Variants in IGSF10 observed in about 807,000 individuals in gnomAD.
IGSF10 encodes calvaria mechanical force protein 608.
Under a neutral mutation model 128.2 loss-of-function variants are expected in IGSF10, and 126 were observed. The ratio of observed to expected loss-of-function variants is 0.98; its 90% CI spans 0.85 to 1.14. The LOEUF is 1.14. Ranked by LOEUF, IGSF10 falls within the 50% of genes most tolerant of loss-of-function variation. The pLI is 0.00. For missense variants in IGSF10, 3,295 were observed against 3,149.8 expected (o/e 1.05, Z -1.10); for synonymous variants, 1,185 against 1,146.2 (o/e 1.03, Z -0.68).
At chr3:151,454,140 C>T (rs970044883) in intron 4 of IGSF10, among the ~76,000 whole-genome samples, 10 of 151,504 alleles carry the variant, frequency 6.6e-5, no homozygotes, top group African/African-American at 2.2e-4. Flanking sequence ...GCCTCAGCCT[C>T]CTGAGTAGCT....
At position 151,437,505 on chromosome 3, in the gene IGSF10, T is replaced by G. The variant is rs767175200; in HGVS notation, c.7056A>C (p.Gly2352=). The change falls in exon 8 of 8, where the codon GGA becomes GGC. Residue 2352 remains glycine, a synonymous_variant. Coordinates refer to ENST00000282466, the MANE Select transcript of IGSF10 (RefSeq NM_178822.5). ...CAGAGCAATTCAATGCTGTGGACTTTCCCAGCTGGGCAACTATTTTTTCAT... is the reference window on the plus strand; with the variant it reads ...CAGAGCAATTCAATGCTGTGGACTTGCCCAGCTGGGCAACTATTTTTTCAT... ...PFNEKIVAQL[G]KSTALNCSVD... 4 of 1,614,188 alleles carry G rather than the reference T, an allele frequency of 2.5e-6. No individual in the cohort carries two copies. Among genetic ancestry groups the G allele is most frequent in the East Asian group, 4.5e-5 (2 of 44,890 alleles).
intron 7 of IGSF10, chr3:151,440,852 C>T (rs1313625509): frequency 2.2e-5 from 6 of 277,476 alleles, no homozygotes; most frequent in Non-Finnish European, 3.7e-5. Context: ...CAATGAAGAT[C>T]CCTCATCAGC....
the IGSF10 span, among the ~76,000 whole-genome samples, chr3:151,493,921 T>C: frequency 0.29 from 43,488 of 151,920 alleles, 6,883 homozygotes; most frequent in Middle Eastern, 0.38. Context: ...GTATTTGTTG[T>C]TCTAAGTCAC....
chr3:151,515,760 T>G, the IGSF10 span, among the ~76,000 whole-genome samples: 1 of 150,546 alleles, frequency 6.6e-6, no homozygotes, highest in Non-Finnish European at 1.5e-5. Flanking sequence ...TGTTTGTGTG[T>G]ATGGTGACTT....
chr3:151,517,908 A>C, the IGSF10 span, among the ~76,000 whole-genome samples: 126,994 of 151,776 alleles, frequency 0.84, 53,234 homozygotes, highest in Middle Eastern at 0.95. Flanking sequence ...TGACCCTTAC[A>C]AAAAAAATAT....
the IGSF10 span, among the ~76,000 whole-genome samples, chr3:151,602,508 A>C: frequency 8.5e-5 from 13 of 152,304 alleles, no homozygotes; most frequent in Admixed American, 5.9e-4. Flanking sequence ...TTAAATTTTC[A>C]GTAAGAGATT....
chr3:151,495,598 C>T, the IGSF10 span, among the ~76,000 whole-genome samples: 2 of 151,878 alleles, frequency 1.3e-5, no homozygotes. Flanking sequence ...TCAGACCTTT[C>T]ATAAACTAAT....
chr3:151,510,840 G>A, the IGSF10 span, among the ~76,000 whole-genome samples: 4 of 152,138 alleles, frequency 2.6e-5, no homozygotes, highest in South Asian at 2.1e-4. Flanking sequence ...TAACCGATGC[G>A]ATCAACTGGA....
In IGSF10 at chr3:151,438,239, TG is replaced by T; in HGVS notation, c.6321del (p.Asn2107LysfsTer5). 1.2e-6 allele frequency: 2 copies of T among 1,614,148 alleles called. No individual in the cohort carries two copies. The highest frequency in any genetic ancestry group is 1.7e-6 in the Non-Finnish European group (2 of 1,180,020). On this transcript the variant is annotated frameshift_variant, in exon 8 of 8. Coordinates refer to ENST00000282466, the MANE Select transcript of IGSF10 (RefSeq NM_178822.5). LOFTEE classifies it low-confidence loss of function (END_TRUNC). ...TCTCCTTCCTCCGCTACCCCAACTT[TG>T]TTGAAGTATAAAGTTCCATTGTTGA... is the stretch of plus-strand genomic sequence containing the variant. ...TLFNNGTLYF[N>X]KVGVAEEGDY...
At chr3:151,489,648 AG>A in the IGSF10 span, among the ~76,000 whole-genome samples, 429 of 152,318 alleles carry the variant, frequency 2.8e-3, 4 homozygotes, top group African/African-American at 0.01. Context: ...GCCATAAAAA[AG>A]GGTGAGTTCA....
chr3:151,457,206 TTC>T, intron 3 of IGSF10, 51 bp from the exon 4 acceptor site: 1 of 1,577,532 alleles, frequency 6.3e-7, no homozygotes, highest in Non-Finnish European at 8.7e-7. Flanking sequence ...TCAACTAAAG[TTC>T]AAATGTCATA....
the IGSF10 span, among the ~76,000 whole-genome samples, chr3:151,468,502 C>T: frequency 6.6e-6 from 1 of 152,290 alleles, no homozygotes; most frequent in East Asian, 1.9e-4. Context: ...CTAGAGGGAG[C>T]CCAAGAGACC....
intron 4 of IGSF10, 125 bp downstream of exon 4, chr3:151,456,901 G>A (rs1721822026): frequency 1.1e-6 from 1 of 915,090 alleles, no homozygotes; most frequent in Non-Finnish European, 1.7e-6. Flanking sequence ...ATTCTCCATT[G>A]ACGTCTGCTT....
Position 151,445,662 on chromosome 3 carries a change from G to A in IGSF10, c.4319C>T (p.Thr1440Ile), listed in dbSNP as rs1721142803. 1.2e-6 allele frequency: 2 copies of A among 1,614,080 alleles called. No individual in the cohort carries two copies. Among genetic ancestry groups the A allele is most frequent in the East Asian group, 2.2e-5 (1 of 44,896 alleles). The change falls in exon 6 of 8, where the codon ACA becomes ATA. Residue 1440 changes from threonine (T) to isoleucine (I), a missense_variant. Thr to Ile is a moderately conservative substitution (Grantham distance 89, BLOSUM62 -1). Transcript: ENST00000282466. ...QTLKSTIASE[T>I]TLSSKSHQST... ...CTGGTGTGATTTGCTGGACAAAGTTGTTTCAGAAGCAATTGTGCTCTTCAA... is the reference window on the plus strand; with the variant it reads ...CTGGTGTGATTTGCTGGACAAAGTTATTTCAGAAGCAATTGTGCTCTTCAA...
At chr3:151,455,651 C>CA (rs1037523268) in intron 4 of IGSF10, among the ~76,000 whole-genome samples, 7 of 152,306 alleles carry the variant, frequency 4.6e-5, no homozygotes, top group African/African-American at 1.7e-4. Context: ...ATCAGCCCTT[C>CA]ATTCCTTTCT....
At chr3:151,569,945 C>G in the IGSF10 span, among the ~76,000 whole-genome samples, 2 of 149,562 alleles carry the variant, frequency 1.3e-5, no homozygotes, top group African/African-American at 4.9e-5. Context: ...CAAGTGTTCT[C>G]ATTGTTCAAT....
chr3:151,451,631 T>C (rs1721512629), intron 5 of IGSF10, among the ~76,000 whole-genome samples: 3 of 152,220 alleles, frequency 2.0e-5, no homozygotes, highest in East Asian at 1.9e-4. Flanking sequence ...AACTGACAAA[T>C]TGGCAATCAA....
chr3:151,529,150 T>C, the IGSF10 span, among the ~76,000 whole-genome samples: 4 of 152,162 alleles, frequency 2.6e-5, no homozygotes, highest in African/African-American at 2.4e-5. Context: ...ACTGCCTCTC[T>C]AGATTCCTCC....
the IGSF10 span, among the ~76,000 whole-genome samples, chr3:151,498,269 A>C: frequency 1.2e-4 from 19 of 152,174 alleles, no homozygotes; most frequent in African/African-American, 4.6e-4. Flanking sequence ...TAATGCTTCC[A>C]GTTTTTACCC....
Sources: gnomAD v4.1 joint callset for allele counts (sites outside exome capture counted in the v4.1 genomes callset) on GRCh38, gnomAD v4.1.1 for gene constraint, MANE v1.5 for transcripts, NCBI Gene and HGNC (gene_info 2026-07-23, HGNC 2026-07-21) for gene names.